Variants in BARX2 observed in about 807,000 individuals in gnomAD.
BARX2 encodes BARX homeobox 2.
BARX2 carries 11 observed loss-of-function variants against 25.5 expected under a neutral mutation model. The ratio of observed to expected loss-of-function variants is 0.43; its 90% CI spans 0.27 to 0.71. The LOEUF is 0.71. BARX2 is among the 30% of genes least tolerant of loss of function. The pLI, the probability that BARX2 is intolerant of heterozygous loss-of-function variation, is 0.19. For synonymous variants in BARX2, 137 were observed against 149.5 expected (o/e 0.92, Z 0.61); for missense variants, 360 against 359.9 (o/e 1.00, Z 0.00).
At chr11:129,441,413 C>T (rs1376876534) in intron 2 of BARX2, among the ~76,000 whole-genome samples, 2 of 152,064 alleles carry the variant, frequency 1.3e-5, no homozygotes, top group Non-Finnish European at 2.9e-5. Context: ...GTGACAACTA[C>T]CCAATTCTGA....
chr11:129,409,609 G>C (rs1861866802), intron 1 of BARX2, among the ~76,000 whole-genome samples: 1 of 152,194 alleles, frequency 6.6e-6, no homozygotes, highest in Non-Finnish European at 1.5e-5. Flanking sequence ...TAAAGGTTAA[G>C]TTCTGCCTTA....
chr11:129,412,186 G>A (rs917829729), intron 1 of BARX2, among the ~76,000 whole-genome samples: 5 of 152,086 alleles, frequency 3.3e-5, no homozygotes, highest in East Asian at 3.9e-4. Flanking sequence ...GCAGGAGAAC[G>A]GCGTGAACCT....
At chr11:129,445,438 T>C (rs1027313699) in intron 3 of BARX2, among the ~76,000 whole-genome samples, 1 of 152,238 alleles carries the variant, frequency 6.6e-6, no homozygotes, top group African/African-American at 2.4e-5. Flanking sequence ...GTCTCTGACG[T>C]CACTTGTTTT....
At chr11:129,388,257 G>A (rs1375309083) in intron 1 of BARX2, among the ~76,000 whole-genome samples, 1 of 152,110 alleles carries the variant, frequency 6.6e-6, no homozygotes, top group Non-Finnish European at 1.5e-5. Flanking sequence ...TGTGGTGATT[G>A]GGGTTTCTGA....
Position 129,431,461 on chromosome 11 carries a change from T to C in BARX2, c.188-5290T>C, listed in dbSNP as rs1330966488. ...TCCACATCCTCACCAGCACTTGATA[T>C]TGTCAGTTCATTAAAAACGTCAACT... On this transcript the variant is annotated intron_variant, in intron 1 of 3. Coordinates refer to ENST00000281437, the MANE Select transcript of BARX2 (RefSeq NM_003658.5). Among the ~76,000 whole-genome samples, 3 of 152,308 alleles carry C rather than the reference T, an allele frequency of 2.0e-5. No individual in the cohort carries two copies. In the East Asian group the frequency reaches 5.8e-4, roughly 29 times the overall value.
chr11:129,408,091 G>C (rs1042434704), intron 1 of BARX2, among the ~76,000 whole-genome samples: 1 of 151,290 alleles, frequency 6.6e-6, no homozygotes, highest in South Asian at 2.1e-4. Context: ...AAGGAGAAGC[G>C]GGCAAACAGA....
At chr11:129,421,552 T>A in intron 1 of BARX2, among the ~76,000 whole-genome samples, 1 of 152,208 alleles carries the variant, frequency 6.6e-6, no homozygotes, top group East Asian at 1.9e-4. Flanking sequence ...TCAATGGGAT[T>A]CCATAGAAGT....
intron 1 of BARX2, among the ~76,000 whole-genome samples, chr11:129,426,451 C>A (rs1347499624): frequency 6.6e-6 from 1 of 151,992 alleles, no homozygotes; most frequent in Non-Finnish European, 1.5e-5. Flanking sequence ...CGGCTCACTG[C>A]AACCTCCATC....
At chr11:129,411,293 T>C (rs960819592) in intron 1 of BARX2, among the ~76,000 whole-genome samples, 1 of 143,386 alleles carries the variant, frequency 7.0e-6, no homozygotes, top group Non-Finnish European at 1.5e-5. Context: ...ATGGCGTGAA[T>C]CCGGGAAGCA....
intron 2 of BARX2, among the ~76,000 whole-genome samples, chr11:129,439,136 T>C (rs1862226867): frequency 6.6e-6 from 1 of 152,006 alleles, no homozygotes; most frequent in Non-Finnish European, 1.5e-5. Context: ...TAGAACTGTC[T>C]CTCTGGTGGC....
intron 1 of BARX2, among the ~76,000 whole-genome samples, chr11:129,420,159 C>G (rs761071921): frequency 1.3e-5 from 2 of 151,976 alleles, no homozygotes; most frequent in Non-Finnish European, 2.9e-5. Context: ...AATCCAAGGT[C>G]TACTGTTCCT....
At chr11:129,427,746 C>CCA (rs1862082294) in intron 1 of BARX2, among the ~76,000 whole-genome samples, 1 of 152,158 alleles carries the variant, frequency 6.6e-6, no homozygotes, top group Admixed American at 6.5e-5. Context: ...ATGGCTGTAG[C>CCA]TGCGGGGACC....
In BARX2 at chr11:129,376,187, T is replaced by G. The variant is rs777200593; in HGVS notation, c.152T>G (p.Leu51Arg). The part of the protein sequence containing the change: ...KLSLYSVCPS[L>R]VVRPKPLHSC... ...TCCCTCTACTCCGTGTGCCCGTCGC[T>G]GGTCGTGCGACCCAAGCCCCTGCAT... Residue 51 changes from leucine to arginine, a missense_variant, in exon 1 of 4, where the codon CTG (leucine) becomes CGG (arginine). By Grantham distance (102) the Leu-to-Arg change is moderately radical (BLOSUM62 -2). This residue lies in a region of BARX2 where 240 missense variants were observed against 228.7 expected (regional missense o/e 1.05). Transcript: ENST00000281437. This position sits in a 1 kb window ranked among gnomAD's most constrained non-coding sequence, Gnocchi z 4.2. 2.5e-6 allele frequency: 4 copies of G among 1,611,374 alleles called. No homozygotes were observed. The highest frequency in any genetic ancestry group is 2.5e-6 in the Non-Finnish European group (3 of 1,178,860).
At chr11:129,431,673 G>C (rs1862131077) in intron 1 of BARX2, among the ~76,000 whole-genome samples, 1 of 152,036 alleles carries the variant, frequency 6.6e-6, no homozygotes, top group Non-Finnish European at 1.5e-5. Context: ...ATATATTCCG[G>C]GTAAAAATCA....
chr11:129,449,346 T>C (rs1209986121), intron 3 of BARX2, among the ~76,000 whole-genome samples: 1 of 152,202 alleles, frequency 6.6e-6, no homozygotes, highest in African/African-American at 2.4e-5. Context: ...GTTTGATTCT[T>C]GGAGCATGGA....
At chr11:129,395,991 G>A (rs1861716529) in intron 1 of BARX2, among the ~76,000 whole-genome samples, 1 of 152,126 alleles carries the variant, frequency 6.6e-6, no homozygotes, top group Admixed American at 6.5e-5. Context: ...TTCTACAGCA[G>A]AAAGCCAGGA....
chr11:129,382,677 C>T (rs1313927032), intron 1 of BARX2, among the ~76,000 whole-genome samples: 2 of 152,114 alleles, frequency 1.3e-5, no homozygotes, highest in Admixed American at 1.3e-4. Context: ...ATTAACACCT[C>T]ATTTTGCATC....
intron 1 of BARX2, among the ~76,000 whole-genome samples, chr11:129,420,667 G>A (rs1861994376): frequency 6.6e-6 from 1 of 152,190 alleles, no homozygotes; most frequent in African/African-American, 2.4e-5. Context: ...ATAGTTTATA[G>A]TTTATTACTT....
chr11:129,439,733 T>C lies in BARX2; in HGVS notation c.488+2682T>C, dbSNP rs147530778. 2.1e-3 allele frequency among the ~76,000 whole-genome samples: 316 copies of C among 152,274 alleles called. 1 individual carries two copies. The highest frequency in any genetic ancestry group is 5.5e-3 in the Admixed American group (84 of 15,292). On this transcript the variant is annotated intron_variant, in intron 2 of 3. Transcript: ENST00000281437. ...GACAGGTCTGTGAACCGGAGGTTAGTAGATGGGCTCTCCAGGTATGACATG... is the reference window on the plus strand; with the variant it reads ...GACAGGTCTGTGAACCGGAGGTTAGCAGATGGGCTCTCCAGGTATGACATG...
Sources: allele counts gnomAD v4.1 joint callset (sites outside exome capture counted in the v4.1 genomes callset), GRCh38; gene constraint gnomAD v4.1.1; regional missense constraint gnomAD v4.1.1; non-coding constraint Gnocchi (gnomAD v3.1); transcripts MANE v1.5; gene names NCBI Gene and HGNC (gene_info 2026-07-23, HGNC 2026-07-21).